The following HELZ variants were observed in gnomAD, a reference collection of about 807,000 sequenced individuals.
HELZ encodes ATP-dependent RNA helicase with zinc finger domain.
Under a neutral mutation model 218.2 loss-of-function variants are expected in HELZ, and 23 were observed. The ratio of observed to expected loss-of-function variants is 0.11; its 90% CI spans 0.08 to 0.15. The LOEUF is 0.15. HELZ is among the 10% of genes least tolerant of loss of function. The pLI, the probability that HELZ is intolerant of heterozygous loss-of-function variation, is 1.00. For missense variants in HELZ, 1,813 were observed against 2,353.7 expected, an observed-to-expected ratio of 0.77 and a Z score of 4.75; for synonymous variants, 814 against 829.4, an observed-to-expected ratio of 0.98 and a Z score of 0.32.
At chr17:67,170,586 G>A (rs541342925) in intron 13 of HELZ, among the ~76,000 whole-genome samples, 17 of 152,106 alleles carry the variant, frequency 1.1e-4, no homozygotes, top group Non-Finnish European at 1.9e-4. Flanking sequence ...CAGCACTTTG[G>A]GAGGCCGAGG....
At chr17:67,244,817 G>A (rs952155373) in intron 1 of HELZ, 2 of 985,428 alleles carry the variant, frequency 2.0e-6, no homozygotes, top group Non-Finnish European at 2.4e-6. Context: ...CCCCCTCCCA[G>A]AGTGCTCTGG....
At chr17:67,124,070 A>T (rs1164927640) in intron 24 of HELZ, 56 bp from the exon 25 acceptor site, 1 of 1,155,588 alleles carries the variant, frequency 8.7e-7, no homozygotes, top group African/African-American at 1.5e-5. Flanking sequence ...ATTAGAAAAC[A>T]ATAACCATTT....
Position 67,218,680 on chromosome 17 carries a change from G to C in HELZ, c.125C>G (p.Ala42Gly). Residue 42 changes from alanine (A) to glycine (G), a missense_variant, in exon 4 of 33, where the codon GCA becomes GGA. Ala to Gly is a moderately conservative substitution (Grantham distance 60, BLOSUM62 0). Coordinates refer to ENST00000358691, the MANE Select transcript of HELZ (RefSeq NM_014877.4). ...ALLSLGQYSM[A>G]DFTGPCPLEI... ...CAATGGACAAGGCCCTGTGAAGTCTGCCATGGAGTACTGGCCAAGAGAAAG... is the reference window on the plus strand; with the variant it reads ...CAATGGACAAGGCCCTGTGAAGTCTCCCATGGAGTACTGGCCAAGAGAAAG... 6.2e-7 allele frequency: 1 copy of C among 1,614,176 alleles called. No individual in the cohort carries two copies. Among genetic ancestry groups the C allele is most frequent in the Non-Finnish European group, 8.5e-7 (1 of 1,180,020 alleles).
intron 17 of HELZ, among the ~76,000 whole-genome samples, chr17:67,159,530 T>C (rs1339258094): frequency 1.3e-5 from 2 of 152,170 alleles, no homozygotes; most frequent in Non-Finnish European, 2.9e-5. Context: ...ACCTAGGGCA[T>C]GACATATTAG....
chr17:67,079,213 T>C (rs547913457), intron 32 of HELZ, among the ~76,000 whole-genome samples: 1 of 152,372 alleles, frequency 6.6e-6, no homozygotes, highest in African/African-American at 2.4e-5. Flanking sequence ...ATAACTGCTT[T>C]TCTTTTCAAT....
intron 5 of HELZ, among the ~76,000 whole-genome samples, chr17:67,213,645 G>A (rs979169068): frequency 6.6e-6 from 1 of 151,748 alleles, no homozygotes; most frequent in African/African-American, 2.4e-5. Flanking sequence ...AAATAAAATT[G>A]TAAGTGTACA....
rs1351503681 is a variant in HELZ at position 67,108,193 on chromosome 17, T to G, written c.4724+299A>C. On this transcript the variant is annotated intron_variant, in intron 30 of 32. Coordinates refer to ENST00000358691, the MANE Select transcript of HELZ (RefSeq NM_014877.4). The surrounding 1 kb of genome is among the most constrained non-coding windows in gnomAD (Gnocchi z 4.1). ...ATTCTTTGCAAGTATTACTACTAAA[T>G]AAAAAAAGCTGCTCACAGTGATGGT... Among the ~76,000 whole-genome samples the G allele has an allele frequency of 6.6e-6, 1 of 152,118 alleles. No homozygotes were observed. The highest frequency in any genetic ancestry group is 6.6e-5 in the Admixed American group (1 of 15,266).
chr17:67,183,553 A>G (rs973265887), intron 12 of HELZ, among the ~76,000 whole-genome samples: 11 of 152,210 alleles, frequency 7.2e-5, no homozygotes, highest in African/African-American at 2.7e-4. Flanking sequence ...AGATAGCTAG[A>G]CTCAAACTAG....
At chr17:67,132,013 T>A (rs542895940) in intron 23 of HELZ, among the ~76,000 whole-genome samples, 2 of 151,804 alleles carry the variant, frequency 1.3e-5, no homozygotes, top group Non-Finnish European at 2.9e-5. Context: ...AACGTTAACA[T>A]AATATTATGT....
chr17:67,104,962 T>TACAACA (rs900996643), intron 31 of HELZ, among the ~76,000 whole-genome samples: 1 of 151,874 alleles, frequency 6.6e-6, no homozygotes, highest in Non-Finnish European at 1.5e-5. Flanking sequence ...CTACTAAAAA[T>TACAACA]ACAACAACAA....
At chr17:67,244,880 C>T (rs1213950777) in intron 1 of HELZ, 2 of 985,630 alleles carry the variant, frequency 2.0e-6, no homozygotes, top group African/African-American at 3.5e-5. Flanking sequence ...GCCCCCTCTC[C>T]TGCCAGGGCC....
At chr17:67,228,047 AT>A (rs200915260) in intron 3 of HELZ, among the ~76,000 whole-genome samples, 1,627 of 152,312 alleles carry the variant, frequency 0.011, 20 homozygotes, top group South Asian at 0.018. Context: ...TAGAAAAAAA[AT>A]ATGTATCTAC....
intron 3 of HELZ, among the ~76,000 whole-genome samples, chr17:67,219,029 G>A (rs888726905): frequency 1.3e-5 from 2 of 152,104 alleles, no homozygotes; most frequent in African/African-American, 4.8e-5. Flanking sequence ...TAAGATTCAA[G>A]CAAAATGTCA....
chr17:67,109,275 G>A lies in HELZ; in HGVS notation c.4330C>T (p.Pro1444Ser), dbSNP rs1260235924. The A allele has an allele frequency of 1.9e-6, 3 of 1,614,014 alleles. No individual in the cohort carries two copies. The highest frequency in any genetic ancestry group is 2.2e-5 in the South Asian group (2 of 91,084). Residue 1444 changes from proline (P) to serine (S), a missense_variant, in exon 29 of 33, where the codon CCT (proline) becomes TCT (serine). Physicochemically the swap from Pro to Ser is moderately conservative, Grantham distance 74 (BLOSUM62 -1). This residue lies in a region of HELZ where 938 missense variants were observed against 1,027.5 expected (regional missense o/e 0.91). Transcript: ENST00000358691. Reference sequence around the variant, plus strand: ...TGCTCCGGAATTACAGCTTCTGCAGGAGGAGACTGTGGCCGATGAGCAACT... The same window carrying A: ...TGCTCCGGAATTACAGCTTCTGCAGAAGGAGACTGTGGCCGATGAGCAACT... ...SAVAHRPQSP[P>S]AEAVIPEQQP...
At chr17:67,127,761 G>A (rs1186074162) in intron 24 of HELZ, among the ~76,000 whole-genome samples, 2 of 151,820 alleles carry the variant, frequency 1.3e-5, no homozygotes, top group Non-Finnish European at 2.9e-5. Context: ...CAGGAGGATT[G>A]CTTGAGCCTA....
intron 3 of HELZ, among the ~76,000 whole-genome samples, chr17:67,230,099 T>C (rs1325880171): frequency 6.6e-6 from 1 of 152,204 alleles, no homozygotes; most frequent in Non-Finnish European, 1.5e-5. Flanking sequence ...CTAAAAATTA[T>C]ATCAACAGCT....
At chr17:67,148,758 A>G (rs1402190420) in intron 19 of HELZ, 44 bp from the exon 20 acceptor site, 1 of 1,537,738 alleles carries the variant, frequency 6.5e-7, no homozygotes, top group Non-Finnish European at 8.8e-7. Context: ...TGAACATACA[A>G]ATAGTATTTT....
intron 16 of HELZ, 25 bp from the exon 17 acceptor site, chr17:67,160,387 A>T: frequency 6.7e-7 from 1 of 1,498,168 alleles, no homozygotes; most frequent in Non-Finnish European, 9.3e-7. Context: ...GGTGCAAATA[A>T]AAAGAATGAT....
intron 3 of HELZ, chr17:67,224,839 C>T: frequency 1.0e-6 from 1 of 1,001,792 alleles, no homozygotes; most frequent in East Asian, 2.9e-5. Context: ...CCAGGGAAAG[C>T]AGCGTTATGA....
Sources: allele counts gnomAD v4.1 joint callset (sites outside exome capture counted in the v4.1 genomes callset), GRCh38; gene constraint gnomAD v4.1.1; regional missense constraint gnomAD v4.1.1; non-coding constraint Gnocchi (gnomAD v3.1); transcripts MANE v1.5; gene names NCBI Gene and HGNC (gene_info 2026-07-23, HGNC 2026-07-21).